The following TRAPPC9 variants were observed in gnomAD, a reference collection of about 807,000 sequenced individuals.
TRAPPC9 encodes IKK2 binding protein.
A neutral mutation model predicts 124.0 loss-of-function variants in TRAPPC9; 83 were observed. That is an observed-to-expected ratio of 0.67 (90% CI 0.56 to 0.80). TRAPPC9 has a LOEUF of 0.80. Among genes scored for constraint, TRAPPC9 ranks in the 30% least tolerant of loss-of-function variants. TRAPPC9 has a pLI of 0.00. For missense variants in TRAPPC9, 1,302 were observed against 1,508.3 expected, an observed-to-expected ratio of 0.86 and a Z score of 2.27; for synonymous variants, 638 against 617.5, an observed-to-expected ratio of 1.03 and a Z score of -0.49.
chr8:140,455,500 G>A (rs1040619217), intron 1 of TRAPPC9, among the ~76,000 whole-genome samples: 5 of 144,264 alleles, frequency 3.5e-5, no homozygotes, highest in African/African-American at 1.0e-4. Context: ...GCGCGATCTC[G>A]GCTCACTGCA....
chr8:139,832,545 C>A (rs950634655), intron 21 of TRAPPC9, among the ~76,000 whole-genome samples: 1 of 152,164 alleles, frequency 6.6e-6, no homozygotes, highest in Non-Finnish European at 1.5e-5. Context: ...ATTTCCCCAG[C>A]CTCCCCAGGA....
intron 17 of TRAPPC9, among the ~76,000 whole-genome samples, chr8:140,115,457 C>CG (rs1339784110): frequency 6.6e-6 from 1 of 151,934 alleles, no homozygotes; most frequent in Non-Finnish European, 1.5e-5. Flanking sequence ...TTAGTAGAGA[C>CG]GGGGTTTCAC....
Position 140,018,324 on chromosome 8 carries a change from A to ATTTTTTCTTTTTTTTT in TRAPPC9, c.2699+5612_2699+5613insAAAAAAAAAGAAAAAA, listed in dbSNP as rs765656679. Among the ~76,000 whole-genome samples the ATTTTTTCTTTTTTTTT allele has an allele frequency of 1.3e-3, 159 of 119,754 alleles. 36 individuals are homozygous for ATTTTTTCTTTTTTTTT. Among genetic ancestry groups the ATTTTTTCTTTTTTTTT allele is most frequent in the African/African-American group, 2.3e-3 (71 of 30,680 alleles). 78.6% of individuals were successfully genotyped at this position (119,754 alleles called of 152,430 possible). A position where few individuals can be genotyped will look rare whatever the true frequency, so the allele number is the denominator to read the frequency against. On this transcript the variant is annotated intron_variant, in intron 18 of 22. Coordinates refer to ENST00000438773, the MANE Select transcript of TRAPPC9 (RefSeq NM_001160372.4). ...TTGCTGGTATATAGAAACGTAAGTG[A>ATTTTTTCTTTTTTTTT]TTTTTTTTTTTTTTTTTGAGACGGA...
chr8:139,878,919 C>T (rs964851664), intron 21 of TRAPPC9, among the ~76,000 whole-genome samples: 16 of 152,232 alleles, frequency 1.1e-4, no homozygotes, highest in African/African-American at 3.6e-4. Context: ...CACTGCATTC[C>T]AGCCTGAGCG....
chr8:139,947,908 A>ATATATAGAGAGAGAGAGAGC (rs1554678297), intron 19 of TRAPPC9, among the ~76,000 whole-genome samples: 2 of 47,150 alleles, frequency 4.2e-5, no homozygotes, highest in African/African-American at 1.6e-4. Context: ...ATATATATAT[A>ATATATAGAGAGAGAGAGAGC]GAGAGAGAGA....
chr8:139,766,751 G>A (rs1004649559), intron 21 of TRAPPC9, among the ~76,000 whole-genome samples: 4 of 152,076 alleles, frequency 2.6e-5, no homozygotes, highest in East Asian at 1.9e-4. Context: ...ACAACAGATC[G>A]GTCTCAGGCT....
At chr8:139,820,536 T>C (rs1008871208) in intron 21 of TRAPPC9, among the ~76,000 whole-genome samples, 7 of 152,246 alleles carry the variant, frequency 4.6e-5, no homozygotes, top group African/African-American at 1.4e-4. Flanking sequence ...CACATTTTTA[T>C]GTATTTCCAA....
chr8:140,166,218 C>G (rs2061836153), intron 17 of TRAPPC9, among the ~76,000 whole-genome samples: 1 of 152,200 alleles, frequency 6.6e-6, no homozygotes, highest in Non-Finnish European at 1.5e-5. Flanking sequence ...GGTTCCCTTC[C>G]CAGCAGCCTG....
At chr8:139,786,041 T>C (rs1822215563) in intron 21 of TRAPPC9, among the ~76,000 whole-genome samples, 1 of 151,536 alleles carries the variant, frequency 6.6e-6, no homozygotes, top group African/African-American at 2.4e-5. Flanking sequence ...ACCCCGTCTC[T>C]ATTAAAAATA....
At chr8:140,412,723 T>TTA (rs1272370321) in intron 5 of TRAPPC9, among the ~76,000 whole-genome samples, 1 of 152,210 alleles carries the variant, frequency 6.6e-6, no homozygotes, top group African/African-American at 2.4e-5. Context: ...TTTATAAGAT[T>TTA]TATAAGTTTT....
At chr8:140,374,446 T>C (rs748260788) in intron 7 of TRAPPC9, among the ~76,000 whole-genome samples, 4 of 152,168 alleles carry the variant, frequency 2.6e-5, no homozygotes, top group African/African-American at 7.2e-5. Flanking sequence ...GGTGCATACC[T>C]GTAATCCCAG....
chr8:139,731,094 A>C lies in TRAPPC9; in HGVS notation c.3414T>G (p.Ser1138Arg), dbSNP rs147127279. 9.8e-4 allele frequency: 1,584 copies of C among 1,613,644 alleles called. 2 individuals carry two copies. The highest frequency in any genetic ancestry group is 1.1e-3 in the Non-Finnish European group (1,344 of 1,179,992). The change falls in exon 23 of 23, where the codon AGT becomes AGG. Residue 1138 changes from serine (S) to arginine (R), a missense_variant. This residue lies in a region of TRAPPC9 where 640 missense variants were observed against 679.3 expected (regional missense o/e 0.94). Coordinates refer to ENST00000438773, the MANE Select transcript of TRAPPC9 (RefSeq NM_001160372.4). ...GCGCCTCCAGGGCACACACGTGCAC[A>C]CTGGGCAGGCAGAACCAAGAGGGTG... Reference protein sequence around the residue: ...ELPPSWFCLPSVHVCALEAQA With the variant: ...ELPPSWFCLPRVHVCALEAQA
At chr8:140,443,378 G>A (rs920506695) in intron 2 of TRAPPC9, among the ~76,000 whole-genome samples, 5 of 151,616 alleles carry the variant, frequency 3.3e-5, no homozygotes, top group African/African-American at 9.7e-5. Context: ...GGAGCTTGCA[G>A]TGAGCCAAGA....
chr8:139,851,898 C>T (rs541511956), intron 21 of TRAPPC9, among the ~76,000 whole-genome samples: 28 of 152,266 alleles, frequency 1.8e-4, no homozygotes, highest in Admixed American at 3.3e-4. Context: ...ATTTGGTGAA[C>T]GGACTGGCTG....
intron 18 of TRAPPC9, among the ~76,000 whole-genome samples, chr8:140,020,664 G>A (rs1839784251): frequency 6.6e-6 from 1 of 152,034 alleles, no homozygotes; most frequent in South Asian, 2.1e-4. Context: ...AAAGTAGGTG[G>A]AGCTGATTAA....
chr8:139,736,979 C>T (rs1818214527), intron 21 of TRAPPC9, among the ~76,000 whole-genome samples: 1 of 152,224 alleles, frequency 6.6e-6, no homozygotes, highest in Non-Finnish European at 1.5e-5. Flanking sequence ...AAGATGGCTT[C>T]CCCGACTCCA....
At chr8:140,311,134 C>T (rs533265897) in intron 10 of TRAPPC9, 114 bp downstream of exon 10, 8 of 1,313,512 alleles carry the variant, frequency 6.1e-6, no homozygotes, top group South Asian at 2.5e-5. Context: ...ATAATGAACC[C>T]GATACACAGC....
intron 19 of TRAPPC9, among the ~76,000 whole-genome samples, chr8:139,927,342 T>A (rs1027252480): frequency 3.3e-4 from 50 of 152,080 alleles, no homozygotes; most frequent in African/African-American, 1.2e-3. Context: ...CCTCCCAGGC[T>A]CAAGCAATCC....
rs1482019823 is a variant in TRAPPC9 at position 139,732,150 on chromosome 8, C to G, written c.3108G>C (p.Gln1036His). 6.2e-7 allele frequency: 1 copy of G among 1,603,878 alleles called. No homozygotes were observed. The highest frequency in any genetic ancestry group is 8.5e-7 in the Non-Finnish European group (1 of 1,177,160). The change falls in exon 22 of 23, where the codon CAG becomes CAC. Residue 1036 changes from glutamine to histidine, a missense_variant. Around this residue, in one of 3 missense-constraint regions of TRAPPC9, gnomAD observed 640 missense variants for 679.3 expected, o/e 0.94. Coordinates refer to ENST00000438773, the MANE Select transcript of TRAPPC9 (RefSeq NM_001160372.4). ...PCDREAVAAC[Q>H]VGDPVRLEVR... Reference sequence around the variant, plus strand: ...CCTCCAGGCGCACGGGGTCGCCCACCTGGCAGGCCGCCACAGCCTCGCGGT... The same window carrying G: ...CCTCCAGGCGCACGGGGTCGCCCACGTGGCAGGCCGCCACAGCCTCGCGGT...
Sources: gnomAD v4.1 joint callset for allele counts (sites outside exome capture counted in the v4.1 genomes callset) on GRCh38, gnomAD v4.1.1 for gene constraint, gnomAD v4.1.1 regional missense constraint, MANE v1.5 for transcripts, NCBI Gene and HGNC (gene_info 2026-07-23, HGNC 2026-07-21) for gene names.